CREB1: variants seen among roughly 807,000 people sequenced by gnomAD.
CREB1 encodes cyclic AMP-responsive element-binding protein 1.
A neutral mutation model predicts 42.0 loss-of-function variants in CREB1; 2 were observed. The observed-to-expected ratio is 0.05, with a 90% confidence interval of 0.02 to 0.15. The LOEUF (loss-of-function observed/expected upper bound fraction) is 0.15. Ranked by LOEUF, CREB1 falls within the 10% of genes least tolerant of loss-of-function variation. The probability of loss-of-function intolerance (pLI) is 1.00; values close to 1 mark genes in which losing one functional copy is unlikely to be tolerated. For missense variants in CREB1, 199 were observed against 388.9 expected, an observed-to-expected ratio of 0.51 and a Z score of 4.11; for synonymous variants, 123 against 139.9, an observed-to-expected ratio of 0.88 and a Z score of 0.85.
intron 5 of CREB1, among the ~76,000 whole-genome samples, chr2:207,572,348 CATT>C (rs2082400667): frequency 6.6e-6 from 1 of 151,806 alleles, no homozygotes; most frequent in South Asian, 2.1e-4. Flanking sequence ...ACTGATTTAA[CATT>C]ATATTCTTGA....
chr2:207,571,214 G>C (rs1433712537), intron 5 of CREB1, among the ~76,000 whole-genome samples: 1 of 151,720 alleles, frequency 6.6e-6, no homozygotes, highest in Non-Finnish European at 1.5e-5. Context: ...TCAGAAATAT[G>C]CATAAAAGTT....
chr2:207,601,760 T>A lies in CREB1; in HGVS notation c.*4702T>A, dbSNP rs569997593. 43 of 217,322 alleles carry A rather than the reference T, an allele frequency of 2.0e-4. No homozygotes were observed. The highest frequency in any genetic ancestry group is 3.0e-4 in the Non-Finnish European group (32 of 108,146). The allele number at this position is 217,322 out of a possible 1,614,324, so 13.5% of individuals were successfully genotyped here. A position where few individuals can be genotyped will look rare whatever the true frequency, so the allele number is the denominator to read the frequency against. On this transcript the variant is annotated 3_prime_UTR_variant, in exon 8 of 8. Transcript: ENST00000353267. Reference sequence around the variant, plus strand: ...AATGCTGCCTAAATTTGATTTCAGATGAGGAAGGAGAAAGTAAAGTGTGCA... The same window carrying A: ...AATGCTGCCTAAATTTGATTTCAGAAGAGGAAGGAGAAAGTAAAGTGTGCA...
intron 7 of CREB1, among the ~76,000 whole-genome samples, chr2:207,588,731 T>G (rs1194433338): frequency 5.1e-5 from 3 of 58,304 alleles, no homozygotes; most frequent in Non-Finnish European, 1.2e-4. Flanking sequence ...TTTTCTGGTT[T>G]TTTTTTTTTT....
chr2:207,588,552 C>T lies in CREB1; in HGVS notation c.840-8362C>T, dbSNP rs1020807521. Among the ~76,000 whole-genome samples, 6 of 152,196 alleles carry T rather than the reference C, an allele frequency of 3.9e-5. No individual in the cohort carries two copies. In the East Asian group the frequency reaches 7.7e-4, roughly 20 times the overall value. On this transcript the variant is annotated intron_variant, in intron 7 of 7. Coordinates refer to ENST00000353267, the MANE Select transcript of CREB1 (RefSeq NM_004379.5). ...TTTATAATCCGCTTGTTGATGTCTACGGAAAGTGTGCTAGAATTTTAGTTA... is the reference window on the plus strand; with the variant it reads ...TTTATAATCCGCTTGTTGATGTCTATGGAAAGTGTGCTAGAATTTTAGTTA...
chr2:207,602,104 T>A lies in CREB1; in HGVS notation c.*5046T>A, dbSNP rs182658728. The A allele has an allele frequency of 4.9e-6, 1 of 204,118 alleles. No individual in the cohort carries two copies. The highest frequency in any genetic ancestry group is 7.5e-5 in the East Asian group (1 of 13,400). 12.6% of individuals were successfully genotyped at this position (204,118 alleles called of 1,614,324 possible). On this transcript the variant is annotated 3_prime_UTR_variant, in exon 8 of 8. Coordinates refer to ENST00000353267, the MANE Select transcript of CREB1 (RefSeq NM_004379.5). The stretch of plus-strand genomic sequence containing the variant: ...CTGCTTATGATAAGTTCTTATTGAT[T>A]AGTGAATGTAGCTTAAGCCTTTGTA...
Position 207,530,607 on chromosome 2 carries a change from C to G in CREB1, c.-9+473C>G, listed in dbSNP as rs553433538. ...CGGCCCCCGCCGCCCGCCTCGCCCC[C>G]GGCCCGACCCGGCCGGGCCTCCGGG... On this transcript the variant is annotated intron_variant, in intron 1 of 7. Transcript: ENST00000353267. Among the ~76,000 whole-genome samples, 1,089 of 148,416 alleles carry G rather than the reference C, an allele frequency of 7.3e-3. 10 individuals carry two copies. The highest frequency in any genetic ancestry group is 0.025 in the African/African-American group (1,019 of 41,064).
chr2:207,602,600 AAAT>A lies in CREB1; in HGVS notation c.*5546_*5548del, dbSNP rs1184863371. On this transcript the variant is annotated 3_prime_UTR_variant, in exon 8 of 8. Coordinates refer to ENST00000353267, the MANE Select transcript of CREB1 (RefSeq NM_004379.5). ...TGGTAGGGAGGAAGAAAATCTCTGCAAATAATGATTTTATGTTTGTTGGCCAAG... is the reference window on the plus strand; with the variant it reads ...TGGTAGGGAGGAAGAAAATCTCTGCAAATGATTTTATGTTTGTTGGCCAAG... 3 of 212,170 alleles carry A rather than the reference AAAT, an allele frequency of 1.4e-5. No individual in the cohort carries two copies. Among genetic ancestry groups the A allele is most frequent in the Non-Finnish European group, 2.9e-5 (3 of 104,736 alleles). The allele number at this position is 212,170 out of a possible 1,614,324, so 13.1% of individuals were successfully genotyped here. A position where few individuals can be genotyped will look rare whatever the true frequency, so the allele number is the denominator to read the frequency against.
chr2:207,561,044 T>TG (rs2081939889), intron 3 of CREB1: 3 of 1,342,534 alleles, frequency 2.2e-6, no homozygotes, highest in Non-Finnish European at 3.2e-6. Flanking sequence ...TTGAGCTTAT[T>TG]GAAAAAAAAG....
At chr2:207,573,725 C>T (rs1020426758) in intron 5 of CREB1, among the ~76,000 whole-genome samples, 1 of 152,112 alleles carries the variant, frequency 6.6e-6, no homozygotes, top group Non-Finnish European at 1.5e-5. Context: ...AGAACAAGAC[C>T]CTGTCTCAAA....
chr2:207,588,143 T>C (rs1197841441), intron 7 of CREB1, among the ~76,000 whole-genome samples: 1 of 142,740 alleles, frequency 7.0e-6, no homozygotes, highest in Non-Finnish European at 1.5e-5. Context: ...AGACTTCGTT[T>C]TCCTCTAAAA....
intron 3 of CREB1, chr2:207,561,108 T>G (rs1469382875): frequency 1.9e-6 from 3 of 1,612,978 alleles, no homozygotes; most frequent in Non-Finnish European, 2.5e-6. Flanking sequence ...TTCATATTTT[T>G]TGCTTCACAG....
chr2:207,588,894 G>GC (rs1018007596), intron 7 of CREB1, among the ~76,000 whole-genome samples: 1 of 142,648 alleles, frequency 7.0e-6, no homozygotes, highest in Non-Finnish European at 1.5e-5. Flanking sequence ...TTTGTCGGGG[G>GC]GGGTGTAGAT....
intron 3 of CREB1, 74 bp downstream of exon 3, chr2:207,560,446 T>C (rs2081912171): frequency 2.1e-6 from 3 of 1,443,414 alleles, no homozygotes; most frequent in Non-Finnish European, 2.9e-6. Flanking sequence ...TTTCACTAGT[T>C]ATGAAAATAA....
intron 7 of CREB1, among the ~76,000 whole-genome samples, chr2:207,583,814 A>G (rs2083354319): frequency 6.6e-6 from 1 of 152,218 alleles, no homozygotes. Flanking sequence ...AATACTAAGT[A>G]TTCTCTTATA....
At chr2:207,540,963 T>TA in intron 1 of CREB1, among the ~76,000 whole-genome samples, 1 of 152,338 alleles carries the variant, frequency 6.6e-6, no homozygotes, top group Non-Finnish European at 1.5e-5. Context: ...CTCACACCTG[T>TA]AATCCCAGCA....
At position 207,603,235 on chromosome 2, in the gene CREB1, TAAC is replaced by T. The variant is rs1361323393; in HGVS notation, c.*6179_*6181del. ...TGTACTGAGTTACAATGCATTTTAT[TAAC>T]ACTATGTACATAATAGCTGCTTTGT... is the stretch of plus-strand genomic sequence containing the variant. On this transcript the variant is annotated 3_prime_UTR_variant, in exon 8 of 8. Transcript: ENST00000353267. 9 of 219,550 alleles carry T rather than the reference TAAC, an allele frequency of 4.1e-5. No individual in the cohort carries two copies. The East Asian group carries it at 6.1e-4, about 15-fold the overall frequency. The allele number at this position is 219,550 out of a possible 1,614,324, so 13.6% of individuals were successfully genotyped here.
chr2:207,577,730 A>C (rs1162218127), intron 7 of CREB1, 75 bp downstream of exon 7: 1 of 1,544,078 alleles, frequency 6.5e-7, no homozygotes, highest in Middle Eastern at 1.7e-4. Context: ...GTATCTTTAC[A>C]TCTACTGGTA....
In CREB1 at chr2:207,577,776, G is replaced by A. The variant is rs1210483374; in HGVS notation, c.839+121G>A. 10 of 1,181,560 alleles carry A rather than the reference G, an allele frequency of 8.5e-6. No homozygotes were observed. In the Admixed American group the frequency reaches 2.0e-4, roughly 24 times the overall value. 73.2% of individuals were successfully genotyped at this position (1,181,560 alleles called of 1,614,324 possible). A position where few individuals can be genotyped will look rare whatever the true frequency, so the allele number is the denominator to read the frequency against. ...TGCATTGAATTTTTTTTTTCCAGCA[G>A]AATTAATGGATCTTGCTAAATTTTC... On this transcript the variant is annotated intron_variant, in intron 7 of 7. Transcript: ENST00000353267.
At chr2:207,572,772 C>T (rs1480061697) in intron 5 of CREB1, among the ~76,000 whole-genome samples, 5 of 151,148 alleles carry the variant, frequency 3.3e-5, no homozygotes, top group African/African-American at 4.9e-5. Flanking sequence ...GCCGAGATAG[C>T]GCCACTGCAT....
Sources: gnomAD v4.1 joint callset for allele counts (sites outside exome capture counted in the v4.1 genomes callset) on GRCh38, gnomAD v4.1.1 for gene constraint, MANE v1.5 for transcripts, NCBI Gene and HGNC (gene_info 2026-07-23, HGNC 2026-07-21) for gene names.